TAFA2: variants seen among roughly 807,000 people sequenced by gnomAD.
The protein encoded by TAFA2 is chemokine-like protein TAFA-2.
Under a neutral mutation model 18.8 loss-of-function variants are expected in TAFA2, and 7 were observed. The ratio of observed to expected loss-of-function variants is 0.37; its 90% CI spans 0.21 to 0.70. The LOEUF (loss-of-function observed/expected upper bound fraction) is 0.70, where lower values mean the gene tolerates loss of function less well. TAFA2 is among the 30% of genes least tolerant of loss of function. The pLI is 0.53. For missense variants in TAFA2, 122 were observed against 158.1 expected, an observed-to-expected ratio of 0.77 and a Z score of 1.23; for synonymous variants, 60 against 54.2, an observed-to-expected ratio of 1.11 and a Z score of -0.47.
intron 1 of TAFA2, among the ~76,000 whole-genome samples, chr12:62,225,693 G>A (rs1220061952): frequency 6.6e-6 from 1 of 151,958 alleles, no homozygotes; most frequent in African/African-American, 2.4e-5. Flanking sequence ...TATAGAAAAG[G>A]ACATACAAGT....
chr12:62,101,261 A>G (rs1359289474), intron 1 of TAFA2, among the ~76,000 whole-genome samples: 1 of 152,132 alleles, frequency 6.6e-6, no homozygotes, highest in East Asian at 1.9e-4. Context: ...CAATACATAC[A>G]TGACTAATGG....
chr12:62,088,384 A>T (rs1004995600), intron 1 of TAFA2, among the ~76,000 whole-genome samples: 9 of 152,030 alleles, frequency 5.9e-5, no homozygotes, highest in Admixed American at 3.9e-4. Context: ...AATACAAGAG[A>T]AAAGGAGCAA....
intron 1 of TAFA2, among the ~76,000 whole-genome samples, chr12:61,881,771 T>G (rs1365330059): frequency 6.6e-6 from 1 of 152,024 alleles, no homozygotes; most frequent in Non-Finnish European, 1.5e-5. Context: ...CATTTTTAAA[T>G]GTTATCAATT....
intron 1 of TAFA2, among the ~76,000 whole-genome samples, chr12:61,919,156 C>T (rs1424896313): frequency 6.6e-6 from 1 of 152,160 alleles, no homozygotes; most frequent in African/African-American, 2.4e-5. Context: ...TTAATGACAA[C>T]CTTTCCTTCT....
intron 1 of TAFA2, among the ~76,000 whole-genome samples, chr12:62,185,883 T>C (rs2062582604): frequency 6.6e-6 from 1 of 152,164 alleles, no homozygotes; most frequent in African/African-American, 2.4e-5. Flanking sequence ...TAGGTGGAAG[T>C]TTGCTATTAA....
intron 1 of TAFA2, among the ~76,000 whole-genome samples, chr12:62,162,340 C>T (rs2062412295): frequency 6.6e-6 from 1 of 152,208 alleles, no homozygotes; most frequent in East Asian, 1.9e-4. Context: ...ACCAGGTACA[C>T]TTAGGATGAG....
intron 1 of TAFA2, among the ~76,000 whole-genome samples, chr12:62,029,364 G>A (rs555298314): frequency 6.6e-6 from 1 of 152,174 alleles, no homozygotes; most frequent in Non-Finnish European, 1.5e-5. Context: ...TGCTTGTTAG[G>A]GAGGTGTTAT....
intron 2 of TAFA2, among the ~76,000 whole-genome samples, chr12:61,808,360 G>A (rs904638801): frequency 6.6e-6 from 1 of 151,464 alleles, no homozygotes; most frequent in Non-Finnish European, 1.5e-5. Context: ...TTTTCTGTAA[G>A]TCCAATAAAC....
chr12:62,133,320 A>G (rs562005989), intron 1 of TAFA2, among the ~76,000 whole-genome samples: 14 of 152,048 alleles, frequency 9.2e-5, no homozygotes, highest in Non-Finnish European at 1.6e-4. Flanking sequence ...TATGGAACCC[A>G]GGACTAAGCA....
chr12:62,043,494 A>G (rs998828586), intron 1 of TAFA2, among the ~76,000 whole-genome samples: 5 of 152,160 alleles, frequency 3.3e-5, no homozygotes, highest in South Asian at 2.1e-4. Flanking sequence ...GGATAGCATT[A>G]GGAGATACAC....
intron 1 of TAFA2, among the ~76,000 whole-genome samples, chr12:61,927,188 A>G (rs1264122991): frequency 6.6e-6 from 1 of 152,158 alleles, no homozygotes; most frequent in Non-Finnish European, 1.5e-5. Context: ...AGAAAGAAAT[A>G]AAGCGTATTC....
At chr12:62,257,348 C>CT (rs1187495872) in intron 1 of TAFA2, among the ~76,000 whole-genome samples, 1 of 152,010 alleles carries the variant, frequency 6.6e-6, no homozygotes, top group Non-Finnish European at 1.5e-5. Context: ...AAATGCAGTG[C>CT]TTTTTTTCTC....
chr12:62,046,894 A>G (rs777363583), intron 1 of TAFA2, among the ~76,000 whole-genome samples: 4 of 152,036 alleles, frequency 2.6e-5, no homozygotes, highest in Non-Finnish European at 5.9e-5. Context: ...TTTATTTTTT[A>G]TTATTATTTT....
At chr12:62,235,216 A>G (rs1430789224) in intron 1 of TAFA2, 2 of 655,646 alleles carry the variant, frequency 3.1e-6, no homozygotes, top group African/African-American at 1.8e-5. Flanking sequence ...GCTTAGGGGC[A>G]GTAGCTCACG....
chr12:61,884,389 G>T (rs903475322), intron 1 of TAFA2, among the ~76,000 whole-genome samples: 1 of 152,074 alleles, frequency 6.6e-6, no homozygotes, highest in Non-Finnish European at 1.5e-5. Flanking sequence ...GCCCATCAAC[G>T]AGCTCTTTGG....
At chr12:62,178,355 G>T (rs1394209362) in intron 1 of TAFA2, among the ~76,000 whole-genome samples, 1 of 152,118 alleles carries the variant, frequency 6.6e-6, no homozygotes, top group African/African-American at 2.4e-5. Context: ...AATTCTGTCA[G>T]GAGTATAAAA....
chr12:61,836,732 G>GATATATATATATAT (rs3034054), intron 2 of TAFA2, among the ~76,000 whole-genome samples: 10 of 112,774 alleles, frequency 8.9e-5, no homozygotes, highest in East Asian at 5.6e-4. Context: ...TTGCCAATTT[G>GATATATATATATAT]ATATATATAT....
chr12:61,918,923 T>C, intron 1 of TAFA2, among the ~76,000 whole-genome samples: 1 of 152,238 alleles, frequency 6.6e-6, no homozygotes, highest in Non-Finnish European at 1.5e-5. Flanking sequence ...AATTAATACC[T>C]GGCCTTTGCC....
rs557244982 is a variant in TAFA2 at position 61,783,428 on chromosome 12, T to G, written c.107-28404A>C. Among the ~76,000 whole-genome samples the G allele has an allele frequency of 2.3e-4, 35 of 151,750 alleles. No homozygotes were observed. The South Asian group carries it at 7.2e-3, about 31-fold the overall frequency. ...GACAATTTCTCTTCTTTACCACTCG[T>G]GTACTTGGGCAGTTATCAAACTCTA... On this transcript the variant is annotated intron_variant, in intron 2 of 4. Transcript: ENST00000416284.
Sources: allele counts gnomAD v4.1 joint callset (sites outside exome capture counted in the v4.1 genomes callset), GRCh38; gene constraint gnomAD v4.1.1; transcripts MANE v1.5; gene names NCBI Gene and HGNC (gene_info 2026-07-23, HGNC 2026-07-21).